Variants in ULK4 observed in about 807,000 individuals in gnomAD.
The protein encoded by ULK4 is unc-51 like kinase 4, also known as inactive serine/threonine-protein kinase ULK4.
ULK4 carries 133 observed loss-of-function variants against 160.6 expected under a neutral mutation model. That is an observed-to-expected ratio of 0.83 (90% CI 0.72 to 0.96). ULK4 has a LOEUF of 0.96. Among genes scored for constraint, ULK4 ranks in the 40% least tolerant of loss-of-function variants. ULK4 has a pLI of 0.00. For synonymous variants in ULK4, 534 were observed against 539.8 expected, an observed-to-expected ratio of 0.99 and a Z score of 0.15; for missense variants, 1,580 against 1,499.5, an observed-to-expected ratio of 1.05 and a Z score of -0.89.
intron 32 of ULK4, among the ~76,000 whole-genome samples, chr3:41,464,122 T>C (rs1483360254): frequency 6.6e-6 from 1 of 152,028 alleles, no homozygotes; most frequent in Non-Finnish European, 1.5e-5. Context: ...GGACCTGCAA[T>C]CTATTTGTCC....
rs183205419 is a variant in ULK4, at chr3:41,901,162, A to G, written c.1183-333T>C. Among the ~76,000 whole-genome samples, 10 of 141,916 alleles carry G rather than the reference A, an allele frequency of 7.0e-5. No homozygotes were observed. In the East Asian group the frequency reaches 1.6e-3, roughly 23 times the overall value. The allele number at this position is 141,916 out of a possible 152,430, so 93.1% of individuals were successfully genotyped here. On this transcript the variant is annotated intron_variant, in intron 12 of 36. Coordinates refer to ENST00000301831, the MANE Select transcript of ULK4 (RefSeq NM_017886.4). Reference sequence around the variant, plus strand: ...TGAGGCAAATTGGTTTTTCCATAACAGCATGGCTTCTTTTTTTTTTTTTTT... The same window carrying G: ...TGAGGCAAATTGGTTTTTCCATAACGGCATGGCTTCTTTTTTTTTTTTTTT...
At chr3:41,927,182 G>A (rs1489874765) in intron 5 of ULK4, among the ~76,000 whole-genome samples, 1 of 152,148 alleles carries the variant, frequency 6.6e-6, no homozygotes, top group Non-Finnish European at 1.5e-5. Flanking sequence ...AAAAGAGTGG[G>A]GGTCAATATT....
At chr3:41,407,665 AAACT>A (rs1223624207) in intron 34 of ULK4, among the ~76,000 whole-genome samples, 8 of 152,208 alleles carry the variant, frequency 5.3e-5, no homozygotes, top group African/African-American at 9.6e-5. Flanking sequence ...GCATTTCACA[AAACT>A]AACTATTAAA....
intron 34 of ULK4, among the ~76,000 whole-genome samples, chr3:41,413,399 G>A (rs574363322): frequency 5.8e-4 from 88 of 152,268 alleles, no homozygotes; most frequent in African/African-American, 2.0e-3. Context: ...TTGGATTGGG[G>A]AAAGGTTTAA....
chr3:41,402,757 T>C (rs1298504721), intron 34 of ULK4, among the ~76,000 whole-genome samples: 2 of 152,202 alleles, frequency 1.3e-5, no homozygotes, highest in Admixed American at 6.5e-5. Flanking sequence ...TTGCTAATAT[T>C]TTGCTGAGGA....
At chr3:41,619,055 G>A (rs1182459203) in intron 30 of ULK4, among the ~76,000 whole-genome samples, 1 of 151,712 alleles carries the variant, frequency 6.6e-6, no homozygotes, top group Non-Finnish European at 1.5e-5. Flanking sequence ...AATGGTAAAG[G>A]GATCAATGCA....
At chr3:41,935,205 ATTTATTTTTTT>A (rs1699728475) in intron 4 of ULK4, among the ~76,000 whole-genome samples, 1 of 1,968 alleles carries the variant, frequency 5.1e-4, no homozygotes, top group African/African-American at 6.6e-4. Flanking sequence ...TTATTTATTT[ATTTATTTTTTT>A]TTTTTTTTTT....
intron 35 of ULK4, among the ~76,000 whole-genome samples, chr3:41,378,762 C>G (rs1279044035): frequency 1.3e-5 from 2 of 150,950 alleles, no homozygotes; most frequent in Non-Finnish European, 1.5e-5. Flanking sequence ...CACATGTACC[C>G]TAGAACTTAA....
chr3:41,421,375 T>C (rs1342200345), intron 34 of ULK4, among the ~76,000 whole-genome samples: 3 of 152,212 alleles, frequency 2.0e-5, no homozygotes, highest in African/African-American at 7.2e-5. Context: ...CTCTTGCAAT[T>C]TTAATGAAAA....
chr3:41,745,354 A>C (rs991532137), intron 22 of ULK4, among the ~76,000 whole-genome samples: 2 of 151,140 alleles, frequency 1.3e-5, no homozygotes, highest in African/African-American at 4.9e-5. Context: ...CAGTAGTAAA[A>C]AGATAAAATG....
chr3:41,598,192 G>A (rs978181504), intron 31 of ULK4, among the ~76,000 whole-genome samples: 12 of 152,228 alleles, frequency 7.9e-5, no homozygotes, highest in South Asian at 2.1e-4. Flanking sequence ...GCCACCAGAC[G>A]GAGTTGGAAA....
chr3:41,394,036 A>G (rs1334787808), intron 35 of ULK4, among the ~76,000 whole-genome samples: 1 of 152,194 alleles, frequency 6.6e-6, no homozygotes, highest in Admixed American at 6.5e-5. Context: ...TGTCAAGATT[A>G]AAGGAGCTTA....
intron 17 of ULK4, among the ~76,000 whole-genome samples, chr3:41,864,332 T>C (rs191318452): frequency 2.1e-3 from 318 of 151,038 alleles, no homozygotes; most frequent in Middle Eastern, 0.01. Context: ...GGGAGTGGTG[T>C]TGGCAATTCA....
Position 41,266,669 on chromosome 3 carries a change from G to A in ULK4, c.3679-17095C>T, listed in dbSNP as rs150452669. On this transcript the variant is annotated intron_variant, in intron 35 of 36. Transcript: ENST00000301831. ...AGGCTGTTTTCAGTTGGGTTAGAGT[G>A]TAAATAGCATACAAGTGCTTCATGA... 7.5e-3 allele frequency among the ~76,000 whole-genome samples: 1,141 copies of A among 152,322 alleles called. 18 individuals are homozygous for A. The highest frequency in any genetic ancestry group is 0.026 in the African/African-American group (1,096 of 41,562).
intron 4 of ULK4, among the ~76,000 whole-genome samples, chr3:41,932,455 G>A (rs1455954617): frequency 6.6e-6 from 1 of 152,164 alleles, no homozygotes; most frequent in East Asian, 1.9e-4. Context: ...CTTGCTGTCT[G>A]ACCTTAAAGA....
At chr3:41,493,279 G>C (rs367702754) in intron 32 of ULK4, among the ~76,000 whole-genome samples, 17 of 146,378 alleles carry the variant, frequency 1.2e-4, no homozygotes, top group East Asian at 1.9e-4. Flanking sequence ...GAAACTCACT[G>C]AAAACGGCTC....
chr3:41,301,355 C>G (rs1035838189), intron 35 of ULK4, among the ~76,000 whole-genome samples: 1 of 152,020 alleles, frequency 6.6e-6, no homozygotes, highest in Non-Finnish European at 1.5e-5. Flanking sequence ...TTCACTATAA[C>G]GACAGAATAG....
At chr3:41,958,841 G>A (rs911753762) in intron 1 of ULK4, among the ~76,000 whole-genome samples, 1 of 152,094 alleles carries the variant, frequency 6.6e-6, no homozygotes. Context: ...AGACCTTATG[G>A]TTTCTGTCAC....
intron 15 of ULK4, 45 bp downstream of exon 15, chr3:41,896,777 T>C: frequency 1.3e-6 from 2 of 1,542,966 alleles, no homozygotes; most frequent in Non-Finnish European, 8.7e-7. Flanking sequence ...TGAGCCTCTA[T>C]AAAAACACAA....
Sources: allele counts gnomAD v4.1 joint callset (sites outside exome capture counted in the v4.1 genomes callset), GRCh38; gene constraint gnomAD v4.1.1; transcripts MANE v1.5; gene names NCBI Gene and HGNC (gene_info 2026-07-23, HGNC 2026-07-21).